The following EPHA3 variants were observed in gnomAD, a reference collection of about 807,000 sequenced individuals.
EPHA3 encodes the protein ephrin type-A receptor 3.
EPHA3 carries 42 observed loss-of-function variants against 107.1 expected under a neutral mutation model. The observed-to-expected ratio is 0.39, with a 90% confidence interval of 0.31 to 0.51. EPHA3 has a LOEUF of 0.51. Among genes scored for constraint, EPHA3 ranks in the 20% least tolerant of loss-of-function variants. The pLI, the probability that EPHA3 is intolerant of heterozygous loss-of-function variation, is 0.78. For synonymous variants in EPHA3, 461 were observed against 424.8 expected, an observed-to-expected ratio of 1.09 and a Z score of -1.05; for missense variants, 1,183 against 1,211.2, an observed-to-expected ratio of 0.98 and a Z score of 0.35.
intron 5 of EPHA3, among the ~76,000 whole-genome samples, chr3:89,382,487 A>G (rs1708531751): frequency 6.6e-6 from 1 of 151,302 alleles, no homozygotes; most frequent in Admixed American, 6.6e-5. Flanking sequence ...CAACCTGGGC[A>G]ACAGAGCAAA....
intron 5 of EPHA3, among the ~76,000 whole-genome samples, chr3:89,365,569 A>G (rs1201864204): frequency 6.6e-6 from 1 of 150,712 alleles, no homozygotes; most frequent in African/African-American, 2.4e-5. Flanking sequence ...AACATAGACT[A>G]ATGTTGCTGC....
intron 7 of EPHA3, among the ~76,000 whole-genome samples, chr3:89,401,137 T>C (rs1426000555): frequency 6.6e-6 from 1 of 152,208 alleles, no homozygotes; most frequent in Non-Finnish European, 1.5e-5. Flanking sequence ...ATCATTCTAG[T>C]TATATAGTAT....
At chr3:89,338,320 C>A (rs1386198510) in intron 3 of EPHA3, among the ~76,000 whole-genome samples, 1 of 152,192 alleles carries the variant, frequency 6.6e-6, no homozygotes, top group Non-Finnish European at 1.5e-5. Context: ...ATGCTTCATA[C>A]TGGCCACTTC....
intron 3 of EPHA3, among the ~76,000 whole-genome samples, chr3:89,263,919 A>C (rs554191001): frequency 1.3e-5 from 2 of 152,060 alleles, no homozygotes; most frequent in African/African-American, 4.8e-5. Context: ...TACATTCCGA[A>C]GTTTTAGGTG....
At chr3:89,357,335 T>C in intron 5 of EPHA3, among the ~76,000 whole-genome samples, 1 of 150,770 alleles carries the variant, frequency 6.6e-6, no homozygotes, top group East Asian at 1.9e-4. Flanking sequence ...TTTTAATCAC[T>C]AGACTGTTAG....
rs1323693273 is a variant in EPHA3, at chr3:89,317,862, A to G, written c.815-23054A>G. The stretch of plus-strand genomic sequence containing the variant: ...ATGCATTCTTTTGTATCACTTCTAC[A>G]TAAGCAATAGTCTTTGAGGTTTCTA... On this transcript the variant is annotated intron_variant, in intron 3 of 16. Coordinates refer to ENST00000336596, the MANE Select transcript of EPHA3 (RefSeq NM_005233.6). 9.9e-5 allele frequency among the ~76,000 whole-genome samples: 15 copies of G among 151,866 alleles called. No homozygotes were observed. The Admixed American group carries it at 9.9e-4, about 10-fold the overall frequency.
intron 3 of EPHA3, among the ~76,000 whole-genome samples, chr3:89,314,041 A>G (rs940951532): frequency 1.1e-4 from 17 of 152,046 alleles, no homozygotes; most frequent in African/African-American, 4.1e-4. Context: ...GTTGTGTAAT[A>G]CTTTTCATTT....
At chr3:89,266,464 T>C (rs17026821) in intron 3 of EPHA3, among the ~76,000 whole-genome samples, 36,861 of 152,034 alleles carry the variant, frequency 0.24, 4,925 homozygotes, top group African/African-American at 0.38. Context: ...CAGTGTTGAA[T>C]TGAGGATTTA....
chr3:89,481,606 C>T lies in EPHA3; in HGVS notation c.*2104C>T, dbSNP rs1053816362. 1.3e-5 allele frequency: 3 copies of T among 232,464 alleles called. No individual in the cohort carries two copies. Among genetic ancestry groups the T allele is most frequent in the African/African-American group, 6.6e-5 (3 of 45,288 alleles). 14.4% of individuals were successfully genotyped at this position (232,464 alleles called of 1,614,324 possible). On this transcript the variant is annotated 3_prime_UTR_variant, in exon 17 of 17. Transcript: ENST00000336596. ...GTTGAGGATTGTTGAATCTATTTCA[C>T]TTATTTTGGCTGTGGTTTCCATCTG...
At chr3:89,205,431 A>T (rs1293905802) in intron 2 of EPHA3, among the ~76,000 whole-genome samples, 2 of 152,186 alleles carry the variant, frequency 1.3e-5, no homozygotes, top group African/African-American at 4.8e-5. Flanking sequence ...TTAGTATCTT[A>T]TACTACCTTT....
chr3:89,451,674 C>T (rs892323045), intron 15 of EPHA3, among the ~76,000 whole-genome samples: 1 of 152,090 alleles, frequency 6.6e-6, no homozygotes, highest in Non-Finnish European at 1.5e-5. Flanking sequence ...TTATCAGTAA[C>T]GATGACTTGT....
intron 7 of EPHA3, among the ~76,000 whole-genome samples, chr3:89,406,605 CAT>C (rs746263902): frequency 2.1e-4 from 32 of 152,260 alleles, no homozygotes; most frequent in East Asian, 3.9e-4. Flanking sequence ...AGAATTTTCA[CAT>C]GTCATGAAAT....
intron 13 of EPHA3, among the ~76,000 whole-genome samples, chr3:89,442,408 T>C (rs752616047): frequency 2.0e-5 from 3 of 152,140 alleles, no homozygotes; most frequent in Non-Finnish European, 4.4e-5. Flanking sequence ...CCCTTGATGA[T>C]TGTACAACAT....
At chr3:89,225,899 C>T (rs539258604) in intron 3 of EPHA3, among the ~76,000 whole-genome samples, 1 of 152,198 alleles carries the variant, frequency 6.6e-6, no homozygotes, top group African/African-American at 2.4e-5. Context: ...TTACATTTGC[C>T]TGGGGCCACT....
chr3:89,127,152 G>A, intron 1 of EPHA3, 57 bp from the exon 2 acceptor site: 1 of 1,360,362 alleles, frequency 7.4e-7, no homozygotes, highest in Non-Finnish European at 1.0e-6. Flanking sequence ...CTCAACAGAA[G>A]CAAATAGAAA....
At chr3:89,344,555 C>T (rs914721972) in intron 5 of EPHA3, among the ~76,000 whole-genome samples, 1 of 152,064 alleles carries the variant, frequency 6.6e-6, no homozygotes, top group Non-Finnish European at 1.5e-5. Flanking sequence ...AGAAGCAATG[C>T]CTTTTCTGAA....
intron 2 of EPHA3, among the ~76,000 whole-genome samples, chr3:89,133,408 C>A (rs1157132239): frequency 2.6e-5 from 4 of 152,156 alleles, no homozygotes; most frequent in African/African-American, 7.2e-5. Flanking sequence ...AAGTAGGAAC[C>A]ATTACAATCA....
At chr3:89,345,907 A>G (rs1707639690) in intron 5 of EPHA3, among the ~76,000 whole-genome samples, 2 of 145,292 alleles carry the variant, frequency 1.4e-5, no homozygotes, top group South Asian at 4.3e-4. Context: ...GAGAATGATG[A>G]TTTCCAATTT....
At chr3:89,432,550 A>G (rs1349732769) in intron 13 of EPHA3, among the ~76,000 whole-genome samples, 1 of 152,104 alleles carries the variant, frequency 6.6e-6, no homozygotes, top group East Asian at 1.9e-4. Flanking sequence ...GATTACAGGC[A>G]TGGACCACCA....
Sources: allele counts gnomAD v4.1 joint callset (sites outside exome capture counted in the v4.1 genomes callset), GRCh38; gene constraint gnomAD v4.1.1; transcripts MANE v1.5; gene names NCBI Gene and HGNC (gene_info 2026-07-23, HGNC 2026-07-21).